NKAIN2: variants seen among roughly 807,000 people sequenced by gnomAD.
NKAIN2 encodes sodium/potassium-transporting ATPase subunit beta-1-interacting protein 2.
NKAIN2 carries 14 observed loss-of-function variants against 32.6 expected under a neutral mutation model. The ratio of observed to expected loss-of-function variants is 0.43; its 90% CI spans 0.28 to 0.67. NKAIN2 has a LOEUF of 0.67. NKAIN2 is among the 30% of genes least tolerant of loss of function. The pLI is 0.17. For synonymous variants in NKAIN2, 80 were observed against 87.2 expected, an observed-to-expected ratio of 0.92 and a Z score of 0.46; for missense variants, 198 against 258.3, an observed-to-expected ratio of 0.77 and a Z score of 1.60.
intron 1 of NKAIN2, among the ~76,000 whole-genome samples, chr6:124,168,575 C>G (rs1788690322): frequency 6.6e-6 from 1 of 151,318 alleles, no homozygotes; most frequent in Non-Finnish European, 1.5e-5. Context: ...TGTGTGTGGT[C>G]TACACACTAA....
At chr6:124,553,051 C>G (rs575015153) in intron 3 of NKAIN2, among the ~76,000 whole-genome samples, 1 of 152,242 alleles carries the variant, frequency 6.6e-6, no homozygotes, top group East Asian at 1.9e-4. Flanking sequence ...TTTAAGGAGA[C>G]AGAAATGTCT....
chr6:124,198,080 C>T (rs1224121177), intron 1 of NKAIN2, among the ~76,000 whole-genome samples: 4 of 151,882 alleles, frequency 2.6e-5, no homozygotes, highest in Non-Finnish European at 4.4e-5. Flanking sequence ...TTGTACATCA[C>T]GAGTTTAAAT....
intron 1 of NKAIN2, among the ~76,000 whole-genome samples, chr6:123,986,635 A>G (rs1391462487): frequency 1.3e-5 from 2 of 152,144 alleles, no homozygotes; most frequent in Non-Finnish European, 2.9e-5. Context: ...ACTTCAGGCC[A>G]ATTAGATTAT....
At chr6:124,651,986 T>TTTCC (rs1385691059) in intron 3 of NKAIN2, among the ~76,000 whole-genome samples, 1 of 152,210 alleles carries the variant, frequency 6.6e-6, no homozygotes, top group Non-Finnish European at 1.5e-5. Context: ...CCTAAGTGTG[T>TTTCC]TTCCCTTTAA....
chr6:124,023,614 A>T (rs1324443239), intron 1 of NKAIN2, among the ~76,000 whole-genome samples: 1 of 152,158 alleles, frequency 6.6e-6, no homozygotes, highest in African/African-American at 2.4e-5. Context: ...CAGTGTTATC[A>T]GTAATAATAT....
At chr6:124,025,444 G>A (rs949514531) in intron 1 of NKAIN2, among the ~76,000 whole-genome samples, 6 of 136,616 alleles carry the variant, frequency 4.4e-5, no homozygotes, top group Non-Finnish European at 9.4e-5. Flanking sequence ...TAGATGAGAA[G>A]CAATGAATGG....
intron 1 of NKAIN2, among the ~76,000 whole-genome samples, chr6:124,246,893 G>A (rs568240850): frequency 3.6e-4 from 55 of 152,170 alleles, no homozygotes; most frequent in African/African-American, 1.1e-3. Context: ...ATAGGTTGGA[G>A]TTCCAACACA....
At chr6:124,614,964 G>A (rs6906607) in intron 3 of NKAIN2, among the ~76,000 whole-genome samples, 28,051 of 152,178 alleles carry the variant, frequency 0.18, 2,784 homozygotes, top group Middle Eastern at 0.24. Flanking sequence ...CACACTCACA[G>A]TTGTTTACGG....
At chr6:124,224,296 A>G (rs1038101784) in intron 1 of NKAIN2, among the ~76,000 whole-genome samples, 2 of 152,146 alleles carry the variant, frequency 1.3e-5, no homozygotes, top group Non-Finnish European at 2.9e-5. Context: ...ATGATTTGGT[A>G]TAATTATGAT....
chr6:123,863,146 C>T (rs1384192428), intron 1 of NKAIN2, among the ~76,000 whole-genome samples: 1 of 152,136 alleles, frequency 6.6e-6, no homozygotes, highest in African/African-American at 2.4e-5. Flanking sequence ...AAGGACAGAG[C>T]CCTGTGGAGG....
chr6:124,517,520 G>A (rs1778959797), intron 3 of NKAIN2, among the ~76,000 whole-genome samples: 1 of 152,060 alleles, frequency 6.6e-6, no homozygotes, highest in African/African-American at 2.4e-5. Context: ...TCCTTACTCA[G>A]GCTTTAAGGG....
chr6:124,732,619 G>A (rs1305258186), intron 4 of NKAIN2, among the ~76,000 whole-genome samples: 1 of 151,976 alleles, frequency 6.6e-6, no homozygotes, highest in East Asian at 1.9e-4. Context: ...ACTCAAATAA[G>A]TACAAATAGA....
At chr6:124,344,268 T>C (rs1798290217) in intron 2 of NKAIN2, among the ~76,000 whole-genome samples, 1 of 152,184 alleles carries the variant, frequency 6.6e-6, no homozygotes, top group Admixed American at 6.5e-5. Flanking sequence ...GGTAGCGTGA[T>C]GCCTCCAGCT....
At chr6:124,735,715 A>T (rs6923816) in intron 4 of NKAIN2, among the ~76,000 whole-genome samples, 1,529 of 151,938 alleles carry the variant, frequency 0.01, 16 homozygotes, top group African/African-American at 0.035. Context: ...CGTATCTGTT[A>T]TGGTGATCTG....
intron 5 of NKAIN2, among the ~76,000 whole-genome samples, chr6:124,803,263 T>A (rs1417801970): frequency 6.6e-6 from 1 of 152,172 alleles, no homozygotes; most frequent in Admixed American, 6.5e-5. Flanking sequence ...TACAGGCAAT[T>A]ATTCTTTTGT....
intron 1 of NKAIN2, among the ~76,000 whole-genome samples, chr6:123,944,333 A>G (rs2114563859): frequency 6.6e-6 from 1 of 152,196 alleles, no homozygotes; most frequent in Middle Eastern, 3.4e-3. Context: ...TTCCCACTTT[A>G]ACCCCTAATC....
chr6:123,965,219 G>A (rs1562281488), intron 1 of NKAIN2, among the ~76,000 whole-genome samples: 1 of 152,094 alleles, frequency 6.6e-6, no homozygotes, highest in Non-Finnish European at 1.5e-5. Context: ...AGAGTCCACA[G>A]ATAACCAGAG....
chr6:124,473,829 A>G (rs1179624818), intron 3 of NKAIN2, among the ~76,000 whole-genome samples: 2 of 152,178 alleles, frequency 1.3e-5, no homozygotes, highest in Non-Finnish European at 1.5e-5. Context: ...ACATCAGTTC[A>G]GTTAAGCCAT....
At chr6:124,584,409 T>C (rs1781632918) in intron 3 of NKAIN2, among the ~76,000 whole-genome samples, 1 of 152,186 alleles carries the variant, frequency 6.6e-6, no homozygotes, top group Admixed American at 6.5e-5. Flanking sequence ...CCCAACACTT[T>C]GGGAGGCTGA....
Sources: allele counts gnomAD v4.1 joint callset (sites outside exome capture counted in the v4.1 genomes callset), GRCh38; gene constraint gnomAD v4.1.1; transcripts MANE v1.5; gene names NCBI Gene and HGNC (gene_info 2026-07-23, HGNC 2026-07-21).